Variants in BMF observed in about 807,000 individuals in gnomAD.
BMF encodes Bcl2 modifying factor, also known as bcl-2-modifying factor.
Under a neutral mutation model 22.0 loss-of-function variants are expected in BMF, and 10 were observed. The observed-to-expected ratio is 0.45, with a 90% CI of 0.28 to 0.77. The LOEUF (loss-of-function observed/expected upper bound fraction) is 0.77, where lower values mean the gene tolerates loss of function less well. Among genes scored for constraint, BMF ranks in the 30% least tolerant of loss-of-function variants. The pLI is 0.13. For synonymous variants in BMF, 87 were observed against 88.1 expected, an observed-to-expected ratio of 0.99 and a Z score of 0.07; for missense variants, 206 against 226.8, an observed-to-expected ratio of 0.91 and a Z score of 0.59.
chr15:40,088,762 G>A lies in BMF; in HGVS notation c.*3025C>T, dbSNP rs2036179271. The A allele has an allele frequency of 6.6e-6, 1 of 152,360 alleles. No individual in the cohort carries two copies. Among genetic ancestry groups the A allele is most frequent in the South Asian group, 2.1e-4 (1 of 4,834 alleles). 9.4% of individuals were successfully genotyped at this position (152,360 alleles called of 1,614,324 possible). On this transcript the variant is annotated 3_prime_UTR_variant, in exon 5 of 5. Transcript: ENST00000354670. ...ACAGACCTACTCCCCTGGGGGCTGA[G>A]GGAGGTCACTGGGAGGTGATCTTTT...
chr15:40,095,926 C>T (rs1378794140), intron 4 of BMF, among the ~76,000 whole-genome samples: 1 of 152,170 alleles, frequency 6.6e-6, no homozygotes, highest in East Asian at 1.9e-4. Context: ...GTGCAACACC[C>T]TATGCCTGAA....
At chr15:40,105,759 C>A in intron 3 of BMF, 36 bp downstream of exon 3, 2 of 1,548,992 alleles carry the variant, frequency 1.3e-6, no homozygotes, top group Middle Eastern at 1.8e-4. Flanking sequence ...TTCCCCCAGT[C>A]TCTATGGGAG....
At chr15:40,100,795 C>T (rs1475473360) in intron 4 of BMF, among the ~76,000 whole-genome samples, 1 of 152,210 alleles carries the variant, frequency 6.6e-6, no homozygotes, top group Non-Finnish European at 1.5e-5. Flanking sequence ...ATTGGGATTT[C>T]ATGGCATCAG....
rs750031739 is a variant in BMF, at chr15:40,104,257, G to A, written c.376C>T (p.Gln126Ter). 7.4e-6 allele frequency: 12 copies of A among 1,614,064 alleles called. No homozygotes were observed. Among genetic ancestry groups the A allele is most frequent in the Non-Finnish European group, 3.4e-6 (4 of 1,180,042 alleles). ...IGEQPPEGQW[Q>*]HQAEVQIARK... is the part of the protein sequence containing the mutation. The stretch of plus-strand genomic sequence containing the variant: ...GCAATCTGTACCTCTGCTTGATGTT[G>A]CCACTGCCCTTCGGGGGGCTGCTCC... The change falls in exon 4 of 5, where the codon CAA becomes TAA. Residue 126 changes from glutamine to a stop codon, truncating the protein, a stop_gained. Transcript: ENST00000354670. LOFTEE classifies it high-confidence loss of function.
At chr15:40,099,780 C>CAAAAAAAAA (rs747996690) in intron 4 of BMF, among the ~76,000 whole-genome samples, 2 of 64,430 alleles carry the variant, frequency 3.1e-5, no homozygotes, top group Admixed American at 1.7e-4. Flanking sequence ...GCTGTCTCAC[C>CAAAAAAAAA]AAAAAAAAAA....
intron 3 of BMF, 99 bp from the exon 4 acceptor site, chr15:40,104,439 CCT>C: frequency 6.8e-7 from 1 of 1,479,690 alleles, no homozygotes; most frequent in Non-Finnish European, 9.2e-7. Context: ...GAGGGTAAAT[CCT>C]CATATGAGAA....
At chr15:40,104,587 T>C (rs1365414381) in intron 3 of BMF, among the ~76,000 whole-genome samples, 5 of 152,192 alleles carry the variant, frequency 3.3e-5, no homozygotes, top group African/African-American at 4.8e-5. Context: ...GACAGTGCCA[T>C]GACAAAGGGC....
rs1441134086 is a variant in BMF, at chr15:40,104,241, A to G, written c.392T>C (p.Val131Ala). The G allele has an allele frequency of 3.1e-6, 5 of 1,613,996 alleles. No homozygotes were observed. The Admixed American group carries it at 5.0e-5, about 16-fold the overall frequency. Residue 131 changes from valine to alanine, a missense_variant, in exon 4 of 5, where the codon GTA (valine) becomes GCA (alanine). Coordinates refer to ENST00000354670, the MANE Select transcript of BMF (RefSeq NM_001003940.2). ...GCACTGAAGCTTTCGGGCAATCTGTACCTCTGCTTGATGTTGCCACTGCCC... is the reference window on the plus strand; with the variant it reads ...GCACTGAAGCTTTCGGGCAATCTGTGCCTCTGCTTGATGTTGCCACTGCCC... ...PEGQWQHQAE[V>A]QIARKLQCIA... is the part of the protein sequence containing the mutation.
Position 40,091,896 on chromosome 15 carries a change from G to GAT in BMF, c.454-9_454-8insAT. ...ATTTTGGTTCTGCTGGTGCTGAAGGGAGAAAAAAAAAAAAGACCAACATAA... is the reference window on the plus strand; with the variant it reads ...ATTTTGGTTCTGCTGGTGCTGAAGGGATAGAAAAAAAAAAAAGACCAACATAA... On this transcript the variant is annotated splice_polypyrimidine_tract_variant and intron_variant, in intron 4 of 4. Transcript: ENST00000354670. 1 of 1,554,222 alleles carries GAT rather than the reference G, an allele frequency of 6.4e-7. No individual in the cohort carries two copies. The highest frequency in any genetic ancestry group is 8.7e-7 in the Non-Finnish European group (1 of 1,146,996).
intron 3 of BMF, 51 bp from the exon 4 acceptor site, chr15:40,104,391 C>G: frequency 6.3e-7 from 1 of 1,597,442 alleles, no homozygotes; most frequent in Non-Finnish European, 8.5e-7. Flanking sequence ...CTGCTCCAAC[C>G]TCCCTACGCC....
chr15:40,108,467 G>C (rs1363426322), intron 1 of BMF, 81 bp from the exon 2 acceptor site: 1 of 152,768 alleles, frequency 6.5e-6, no homozygotes, highest in Non-Finnish European at 1.5e-5. Flanking sequence ...GTCAGACCCA[G>C]AGGCTGGGCC....
chr15:40,096,500 G>C, intron 4 of BMF, among the ~76,000 whole-genome samples: 2 of 152,290 alleles, frequency 1.3e-5, no homozygotes, highest in African/African-American at 4.8e-5. Flanking sequence ...TAATATCTCA[G>C]ATACAGAACA....
intron 4 of BMF, among the ~76,000 whole-genome samples, chr15:40,099,463 A>C (rs574275397): frequency 4.6e-5 from 7 of 152,186 alleles, no homozygotes; most frequent in Non-Finnish European, 1.0e-4. Context: ...CCTTCACATC[A>C]ACTAGGCAAG....
chr15:40,103,523 G>A (rs12592048), intron 4 of BMF, among the ~76,000 whole-genome samples: 40,987 of 152,140 alleles, frequency 0.27, 6,053 homozygotes, highest in Middle Eastern at 0.46. Flanking sequence ...CCACATGCTC[G>A]GCTGACACGT....
rs2036182668 is a variant in BMF at position 40,088,919 on chromosome 15, T to C, written c.*2868A>G. The C allele has an allele frequency of 6.6e-6, 1 of 152,644 alleles. No individual in the cohort carries two copies. The allele number at this position is 152,644 out of a possible 1,614,324, so 9.5% of individuals were successfully genotyped here. A position where few individuals can be genotyped will look rare whatever the true frequency, so the allele number is the denominator to read the frequency against. ...TGGCCTGGGGACTTCCCTCACCAGA[T>C]CTGTTGACCAACTTCTAGAAACCCC... On this transcript the variant is annotated 3_prime_UTR_variant, in exon 5 of 5. Coordinates refer to ENST00000354670, the MANE Select transcript of BMF (RefSeq NM_001003940.2).
chr15:40,104,241 A>AC lies in BMF; in HGVS notation c.391dup (p.Val131GlyfsTer54). ...GCACTGAAGCTTTCGGGCAATCTGT[A>AC]CCTCTGCTTGATGTTGCCACTGCCC... On this transcript the variant is annotated frameshift_variant, in exon 4 of 5. Transcript: ENST00000354670. LOFTEE classifies it high-confidence loss of function. 1.2e-6 allele frequency: 2 copies of AC among 1,614,114 alleles called. No homozygotes were observed. Among genetic ancestry groups the AC allele is most frequent in the Non-Finnish European group, 1.7e-6 (2 of 1,180,028 alleles).
intron 4 of BMF, among the ~76,000 whole-genome samples, chr15:40,099,838 A>T (rs1050361011): frequency 1.3e-5 from 2 of 151,768 alleles, no homozygotes; most frequent in South Asian, 4.2e-4. Context: ...CCACGAACAC[A>T]TAACTTATAA....
intron 4 of BMF, 27 bp from the exon 5 acceptor site, chr15:40,091,915 A>G: frequency 1.3e-6 from 2 of 1,513,652 alleles, no homozygotes; most frequent in Non-Finnish European, 1.8e-6. Flanking sequence ...AAAAAAGACC[A>G]ACATAACTCC....
intron 4 of BMF, among the ~76,000 whole-genome samples, chr15:40,093,549 G>A (rs539155422): frequency 6.6e-5 from 10 of 152,280 alleles, no homozygotes; most frequent in Admixed American, 1.3e-4. Context: ...CGAAGCCTCC[G>A]GCCTGCAGCA....
Sources: allele counts gnomAD v4.1 joint callset (sites outside exome capture counted in the v4.1 genomes callset), GRCh38; gene constraint gnomAD v4.1.1; transcripts MANE v1.5; gene names NCBI Gene and HGNC (gene_info 2026-07-23, HGNC 2026-07-21).